Variants in WDR7 observed in about 807,000 individuals in gnomAD.
The protein encoded by WDR7 is WD repeat-containing protein 7.
A neutral mutation model predicts 169.4 loss-of-function variants in WDR7; 46 were observed. That is an observed-to-expected ratio of 0.27 (90% CI 0.21 to 0.35). The LOEUF (loss-of-function observed/expected upper bound fraction) is 0.35, where lower values mean the gene tolerates loss of function less well. Ranked by LOEUF, WDR7 falls within the 10% of genes least tolerant of loss-of-function variation. The pLI is 1.00. For missense variants in WDR7, 1,534 were observed against 1,859.3 expected (o/e 0.83, Z 3.22); for synonymous variants, 612 against 666.8 (o/e 0.92, Z 1.27).
chr18:56,962,311 A>G, intron 25 of WDR7, 119 bp from the exon 26 acceptor site: 1 of 551,966 alleles, frequency 1.8e-6, no homozygotes, highest in East Asian at 2.9e-5. Flanking sequence ...GGATATATTT[A>G]TTTCAAAATA....
chr18:56,984,667 C>G (rs1409519570), intron 26 of WDR7, among the ~76,000 whole-genome samples: 2 of 152,178 alleles, frequency 1.3e-5, no homozygotes, highest in Non-Finnish European at 2.9e-5. Context: ...GTCTTAATCC[C>G]TATTTATGCA....
At chr18:56,720,018 A>G (rs1568157174) in intron 13 of WDR7, among the ~76,000 whole-genome samples, 1 of 152,204 alleles carries the variant, frequency 6.6e-6, no homozygotes, top group Non-Finnish European at 1.5e-5. Flanking sequence ...TTAAAGAAGC[A>G]TGCTGCTTAA....
intron 20 of WDR7, among the ~76,000 whole-genome samples, chr18:56,874,971 C>A (rs1047374788): frequency 2.6e-5 from 4 of 152,134 alleles, no homozygotes; most frequent in African/African-American, 9.7e-5. Flanking sequence ...TCACTCAGTT[C>A]TTTTTAAATT....
rs1156768027 is a variant in WDR7, at chr18:56,846,447, C to A, written c.3304+30303C>A. On this transcript the variant is annotated intron_variant, in intron 20 of 27. Coordinates refer to ENST00000254442, the MANE Select transcript of WDR7 (RefSeq NM_015285.3). ...CCCATGGGTTTATCAGGGGTTCCCACTTTTGCTTTTTCCTTATTTTTCACT... is the reference window on the plus strand; with the variant it reads ...CCCATGGGTTTATCAGGGGTTCCCAATTTTGCTTTTTCCTTATTTTTCACT... Among the ~76,000 whole-genome samples, 6 of 152,138 alleles carry A rather than the reference C, an allele frequency of 3.9e-5. No individual in the cohort carries two copies. The East Asian group carries it at 1.2e-3, about 29-fold the overall frequency.
intron 13 of WDR7, among the ~76,000 whole-genome samples, chr18:56,722,434 G>C (rs2026342330): frequency 6.6e-6 from 1 of 152,122 alleles, no homozygotes; most frequent in East Asian, 1.9e-4. Context: ...GTGGAAATTA[G>C]ATCTTACATT....
chr18:56,791,678 G>A (rs1007075918), intron 19 of WDR7, among the ~76,000 whole-genome samples: 1 of 152,130 alleles, frequency 6.6e-6, no homozygotes, highest in Non-Finnish European at 1.5e-5. Flanking sequence ...TTTACTTAGG[G>A]TTTAAAGTAA....
intron 21 of WDR7, among the ~76,000 whole-genome samples, chr18:56,888,029 C>A (rs1230384519): frequency 2.6e-5 from 4 of 152,054 alleles, no homozygotes; most frequent in African/African-American, 9.7e-5. Context: ...TGAGATAAGG[C>A]CATTAAGATA....
chr18:56,876,970 G>A (rs574106839), intron 20 of WDR7, among the ~76,000 whole-genome samples: 2 of 152,240 alleles, frequency 1.3e-5, no homozygotes, highest in African/African-American at 4.8e-5. Flanking sequence ...ATCACTTGTG[G>A]CCAGGAGTAC....
intron 9 of WDR7, among the ~76,000 whole-genome samples, chr18:56,693,265 A>C (rs1387579710): frequency 1.3e-5 from 2 of 152,186 alleles, no homozygotes; most frequent in African/African-American, 4.8e-5. Flanking sequence ...TCTGTTCTTT[A>C]ATATTCCAGT....
intron 21 of WDR7, among the ~76,000 whole-genome samples, chr18:56,919,424 G>A (rs2046677275): frequency 6.6e-6 from 1 of 152,142 alleles, no homozygotes; most frequent in Admixed American, 6.5e-5. Context: ...AGGAACCTTG[G>A]TATTGTTATC....
chr18:56,895,482 T>A (rs546432687), intron 21 of WDR7, among the ~76,000 whole-genome samples: 83 of 70,898 alleles, frequency 1.2e-3, no homozygotes, highest in African/African-American at 2.6e-3. Context: ...TTGGATTTTT[T>A]TAAAAATTTT....
intron 24 of WDR7, 91 bp from the exon 25 acceptor site, chr18:56,939,220 T>C (rs970441181): frequency 7.1e-5 from 66 of 930,750 alleles, no homozygotes; most frequent in Non-Finnish European, 9.7e-5. Context: ...ATATAGACTT[T>C]CTATGGGCAA....
chr18:56,888,077 G>A (rs1450563230), intron 21 of WDR7, among the ~76,000 whole-genome samples: 1 of 152,114 alleles, frequency 6.6e-6, no homozygotes, highest in Non-Finnish European at 1.5e-5. Flanking sequence ...TGTAGTTAGA[G>A]GCATAGATAG....
At chr18:56,959,079 C>T (rs1024326005) in intron 25 of WDR7, among the ~76,000 whole-genome samples, 1 of 152,028 alleles carries the variant, frequency 6.6e-6, no homozygotes. Flanking sequence ...CAAGGTGGCC[C>T]ATAAAAGCCT....
chr18:56,689,337 T>A (rs2025514882), intron 7 of WDR7, among the ~76,000 whole-genome samples: 1 of 152,226 alleles, frequency 6.6e-6, no homozygotes, highest in Admixed American at 6.5e-5. Flanking sequence ...CTCGGCTCAC[T>A]GTAACCTCTG....
intron 25 of WDR7, among the ~76,000 whole-genome samples, chr18:56,949,156 T>TCCCTCTC (rs879455948): frequency 2.1e-5 from 3 of 143,858 alleles, no homozygotes; most frequent in African/African-American, 7.5e-5. Flanking sequence ...CTCTCTCTCT[T>TCCCTCTC]TCCCTTTGGC....
chr18:56,928,482 C>G (rs1424299515), intron 22 of WDR7, among the ~76,000 whole-genome samples: 1 of 152,132 alleles, frequency 6.6e-6, no homozygotes, highest in East Asian at 1.9e-4. Flanking sequence ...ATAAATAAAT[C>G]TCAAACATAA....
intron 14 of WDR7, among the ~76,000 whole-genome samples, chr18:56,753,592 AC>A (rs2043827721): frequency 9.0e-6 from 1 of 110,682 alleles, no homozygotes; most frequent in Non-Finnish European, 1.9e-5. Context: ...TCTTTCTCCC[AC>A]CCCCCTCCCC....
At chr18:56,827,999 CCACCAT>C (rs1186054652) in intron 20 of WDR7, among the ~76,000 whole-genome samples, 2 of 152,200 alleles carry the variant, frequency 1.3e-5, no homozygotes, top group Non-Finnish European at 2.9e-5. Flanking sequence ...CTTCTCATTA[CCACCAT>C]CATCCTTAAG....
Sources: allele counts gnomAD v4.1 joint callset (sites outside exome capture counted in the v4.1 genomes callset), GRCh38; gene constraint gnomAD v4.1.1; transcripts MANE v1.5; gene names NCBI Gene and HGNC (gene_info 2026-07-23, HGNC 2026-07-21).